CACNA1E: variants seen among roughly 807,000 people sequenced by gnomAD.
CACNA1E encodes voltage-dependent R-type calcium channel subunit alpha-1E.
Under a neutral mutation model 259.2 loss-of-function variants are expected in CACNA1E, and 40 were observed. That is an observed-to-expected ratio of 0.15 (90% CI 0.12 to 0.20). CACNA1E has a LOEUF of 0.20. CACNA1E is among the 10% of genes least tolerant of loss of function. The pLI, the probability that CACNA1E is intolerant of heterozygous loss-of-function variation, is 1.00. For synonymous variants in CACNA1E, 1,104 were observed against 1,138.5 expected (o/e 0.97, Z 0.61); for missense variants, 1,874 against 3,040.1 (o/e 0.62, Z 9.02).
intron 1 of CACNA1E, among the ~76,000 whole-genome samples, chr1:181,384,783 A>C (rs1655719770): frequency 6.6e-6 from 1 of 152,142 alleles, no homozygotes; most frequent in Admixed American, 6.5e-5. Flanking sequence ...AGATATACCT[A>C]ATGCTAAATG....
At chr1:181,734,925 G>A (rs1655896851) in intron 21 of CACNA1E, among the ~76,000 whole-genome samples, 1 of 152,130 alleles carries the variant, frequency 6.6e-6, no homozygotes, top group Non-Finnish European at 1.5e-5. Flanking sequence ...CCCCATCCCT[G>A]CTCTGGCCTC....
At chr1:181,594,157 GTAATAGATA>G (rs1422985301) in intron 6 of CACNA1E, among the ~76,000 whole-genome samples, 1 of 151,588 alleles carries the variant, frequency 6.6e-6, no homozygotes, top group Non-Finnish European at 1.5e-5. Context: ...TTTTATCTAT[GTAATAGATA>G]TAATAGGTAA....
rs746123401 is a variant in CACNA1E at position 181,798,137 on chromosome 1, A to G, written c.6400-155A>G. On this transcript the variant is annotated intron_variant, in intron 47 of 47. Transcript: ENST00000367573. The surrounding 1 kb of genome is among the most constrained non-coding windows in gnomAD (Gnocchi z 4.2). ...TGTTCTTGACTCCTTAATCTCTTCA[A>G]TCCCTTTTTCCCTGAGTGGATGTGA... 6.6e-6 allele frequency among the ~76,000 whole-genome samples: 1 copy of G among 152,108 alleles called. No homozygotes were observed. Among genetic ancestry groups the G allele is most frequent in the Non-Finnish European group, 1.5e-5 (1 of 68,022 alleles).
chr1:181,717,925 T>C (rs747769745), intron 11 of CACNA1E, 130 bp from the exon 12 acceptor site: 10 of 611,586 alleles, frequency 1.6e-5, no homozygotes, highest in Middle Eastern at 4.1e-4. Context: ...TGTCCAGCCC[T>C]GGCCTGATGT....
Position 181,484,021 on chromosome 1 carries a change from T to G in CACNA1E, c.266+11T>G. ...GCTCATCGATTGGCCATATCCTTTC[T>G]TGCCCACCATAACTCCCTCTCCCCC... On this transcript the variant is annotated intron_variant, in intron 1 of 47. Coordinates refer to ENST00000367573, the MANE Select transcript of CACNA1E (RefSeq NM_001205293.3). 1 of 1,611,640 alleles carries G rather than the reference T, an allele frequency of 6.2e-7. No homozygotes were observed. The highest frequency in any genetic ancestry group is 8.5e-7 in the Non-Finnish European group (1 of 1,178,090).
At chr1:181,743,808 T>C (rs1373539153) in intron 25 of CACNA1E, among the ~76,000 whole-genome samples, 2 of 152,226 alleles carry the variant, frequency 1.3e-5, no homozygotes, top group Non-Finnish European at 2.9e-5. Flanking sequence ...CTGGATTGGA[T>C]TCTAAGTAGT....
At chr1:181,713,331 A>G (rs1024691762) in intron 8 of CACNA1E, among the ~76,000 whole-genome samples, 1 of 152,202 alleles carries the variant, frequency 6.6e-6, no homozygotes, top group Admixed American at 6.5e-5. Flanking sequence ...CAAGTTCCTA[A>G]TTTTTAAATG....
At chr1:181,575,615 C>G (rs563466200) in intron 3 of CACNA1E, among the ~76,000 whole-genome samples, 1 of 152,292 alleles carries the variant, frequency 6.6e-6, no homozygotes, top group East Asian at 1.9e-4. Flanking sequence ...AACTGTTAAA[C>G]TCAGGGTTGG....
chr1:181,695,034 A>G (rs1558275258), intron 7 of CACNA1E, among the ~76,000 whole-genome samples: 1 of 152,242 alleles, frequency 6.6e-6, no homozygotes, highest in Non-Finnish European at 1.5e-5. Flanking sequence ...GTCACAGGAT[A>G]CAAGGTCAAC....
intron 7 of CACNA1E, among the ~76,000 whole-genome samples, chr1:181,658,169 G>T (rs1659362129): frequency 1.3e-5 from 2 of 152,202 alleles, no homozygotes; most frequent in African/African-American, 4.8e-5. Context: ...TTCTGGATGA[G>T]GCTCCAGCAT....
At chr1:181,627,756 G>T (rs1456270227) in intron 6 of CACNA1E, among the ~76,000 whole-genome samples, 1 of 152,150 alleles carries the variant, frequency 6.6e-6, no homozygotes, top group East Asian at 1.9e-4. Flanking sequence ...TTATTCAGTG[G>T]GTGAGGCTAC....
intron 6 of CACNA1E, among the ~76,000 whole-genome samples, chr1:181,627,542 G>T (rs76628057): frequency 0.031 from 4,658 of 152,274 alleles, 103 homozygotes; most frequent in Non-Finnish European, 0.047. Context: ...TAGAGCCACT[G>T]CAGGGTTCTA....
At chr1:181,706,717 A>G (rs1005863562) in intron 7 of CACNA1E, among the ~76,000 whole-genome samples, 5 of 152,234 alleles carry the variant, frequency 3.3e-5, no homozygotes, top group African/African-American at 9.6e-5. Flanking sequence ...GTTGACTTCT[A>G]GATAGCAGGG....
At chr1:181,555,415 G>A (rs1031792012) in intron 3 of CACNA1E, among the ~76,000 whole-genome samples, 3 of 152,124 alleles carry the variant, frequency 2.0e-5, no homozygotes, top group Non-Finnish European at 4.4e-5. Context: ...AAGACATATC[G>A]ATCCTGGTCT....
Position 181,710,970 on chromosome 1 carries a change from A to C in CACNA1E, c.1072A>C (p.Arg358=). 8.7e-6 allele frequency: 14 copies of C among 1,613,302 alleles called. No homozygotes were observed. Among genetic ancestry groups the C allele is most frequent in the Non-Finnish European group, 1.2e-5 (14 of 1,179,482 alleles). ...TGTCCACAGGGAATTTGCCAAAGAG[A>C]GAGAGAGAGTGGAGAACCGAAGGGC... ...GVLSGEFAKE[R]ERVENRRAFM... The change falls in exon 8 of 48, where the codon AGA becomes CGA. Residue 358 remains arginine, a synonymous_variant. Coordinates refer to ENST00000367573, the MANE Select transcript of CACNA1E (RefSeq NM_001205293.3).
chr1:181,422,149 G>T (rs1158933631), intron 2 of CACNA1E, among the ~76,000 whole-genome samples: 1 of 152,184 alleles, frequency 6.6e-6, no homozygotes, highest in African/African-American at 2.4e-5. Context: ...CAGAGAGGCT[G>T]TCCTTCATCA....
In CACNA1E at chr1:181,386,349, G is replaced by A. The variant is rs139724851; in HGVS notation, c.-14-26784G>A. 3.4e-3 allele frequency among the ~76,000 whole-genome samples: 513 copies of A among 152,344 alleles called. 2 individuals are homozygous for A. The highest frequency in any genetic ancestry group is 0.012 in the African/African-American group (482 of 41,576). ...TTCCAGCTAGCTGCTGAAGGGAGCA[G>A]CTTGTGGAAGGTCAGGAAGAAGCTC... On this transcript the variant is annotated intron_variant, in intron 1 of 11. Transcript: ENST00000524607.
intron 7 of CACNA1E, among the ~76,000 whole-genome samples, chr1:181,669,721 T>G (rs1648601324): frequency 6.6e-6 from 1 of 152,236 alleles, no homozygotes; most frequent in Admixed American, 6.5e-5. Flanking sequence ...CTGTTTGTGA[T>G]GTCTGTATTC....
At chr1:181,639,926 G>A (rs1428039864) in intron 6 of CACNA1E, among the ~76,000 whole-genome samples, 7 of 152,184 alleles carry the variant, frequency 4.6e-5, no homozygotes, top group African/African-American at 1.7e-4. Context: ...CTGAGAGTTA[G>A]AGTCCATGAG....
Sources: allele counts gnomAD v4.1 joint callset (sites outside exome capture counted in the v4.1 genomes callset), GRCh38; gene constraint gnomAD v4.1.1; non-coding constraint Gnocchi (gnomAD v3.1); transcripts MANE v1.5; gene names NCBI Gene and HGNC (gene_info 2026-07-23, HGNC 2026-07-21).